KCNJ4: variants seen among roughly 807,000 people sequenced by gnomAD.
The protein encoded by KCNJ4 is inward rectifier potassium channel 4.
A neutral mutation model predicts 25.6 loss-of-function variants in KCNJ4; 3 were observed. That is an observed-to-expected ratio of 0.12 (90% CI 0.05 to 0.30). The LOEUF (loss-of-function observed/expected upper bound fraction) is 0.30, where lower values mean the gene tolerates loss of function less well. Ranked by LOEUF, KCNJ4 falls within the 10% of genes least tolerant of loss-of-function variation. The pLI is 1.00. For synonymous variants in KCNJ4, 257 were observed against 283.9 expected, an observed-to-expected ratio of 0.91 and a Z score of 0.95; for missense variants, 286 against 666.8, an observed-to-expected ratio of 0.43 and a Z score of 6.29.
chr22:38,445,078 T>C (rs576500253), intron 1 of KCNJ4, among the ~76,000 whole-genome samples: 5 of 151,718 alleles, frequency 3.3e-5, no homozygotes, highest in Non-Finnish European at 5.9e-5. Flanking sequence ...TGTGTGCGTG[T>C]GTGTGTGTGA....
At chr22:38,445,920 G>A (rs2089371255) in intron 1 of KCNJ4, among the ~76,000 whole-genome samples, 1 of 152,142 alleles carries the variant, frequency 6.6e-6, no homozygotes, top group Non-Finnish European at 1.5e-5. Flanking sequence ...CAACCATGTG[G>A]GGAATTGTTG....
chr22:38,451,288 C>T (rs2089409169), intron 1 of KCNJ4, among the ~76,000 whole-genome samples: 1 of 152,144 alleles, frequency 6.6e-6, no homozygotes, highest in Non-Finnish European at 1.5e-5. Flanking sequence ...GCTTGAATAC[C>T]TCTAGGATTG....
At chr22:38,447,970 G>C (rs1030946545) in intron 1 of KCNJ4, among the ~76,000 whole-genome samples, 1 of 150,648 alleles carries the variant, frequency 6.6e-6, no homozygotes. Context: ...AGGCTGAGGC[G>C]GAAGAATCAC....
rs2089430194 is a variant in KCNJ4, at chr22:38,454,770, C to T, written c.-40+210G>A. Among the ~76,000 whole-genome samples, 3 of 152,096 alleles carry T rather than the reference C, an allele frequency of 2.0e-5. 1 individual carries two copies. The South Asian group carries it at 6.2e-4, about 31-fold the overall frequency. On this transcript the variant is annotated intron_variant, in intron 1 of 1. Coordinates refer to ENST00000303592, the MANE Select transcript of KCNJ4 (RefSeq NM_152868.3). ...AGGCCACAACCCAGACCGCGACGCT[C>T]CCAGACGGACAGACGGACAGAGCCC... is the stretch of plus-strand genomic sequence containing the variant.
At chr22:38,450,609 C>T (rs546731805) in intron 1 of KCNJ4, among the ~76,000 whole-genome samples, 371 of 152,296 alleles carry the variant, frequency 2.4e-3, no homozygotes, top group African/African-American at 7.6e-3. Flanking sequence ...ATGCCACCAC[C>T]GTCAGCCCAA....
intron 1 of KCNJ4, among the ~76,000 whole-genome samples, chr22:38,439,817 G>A (rs367704016): frequency 1.5e-5 from 2 of 137,700 alleles, no homozygotes; most frequent in African/African-American, 5.5e-5. Flanking sequence ...CTAGCCAGGT[G>A]TATTGGCTCA....
intron 1 of KCNJ4, among the ~76,000 whole-genome samples, chr22:38,430,014 T>G (rs997855963): frequency 6.6e-6 from 1 of 152,096 alleles, no homozygotes; most frequent in Non-Finnish European, 1.5e-5. Flanking sequence ...AGAAACTCCC[T>G]CTCCGGGCCC....
intron 1 of KCNJ4, among the ~76,000 whole-genome samples, chr22:38,436,507 G>A (rs196074): frequency 0.17 from 26,152 of 152,132 alleles, 4,078 homozygotes; most frequent in African/African-American, 0.42. Context: ...GGTGAAAGGA[G>A]CATCGCAGTG....
intron 1 of KCNJ4, among the ~76,000 whole-genome samples, chr22:38,450,714 G>C (rs1338783313): frequency 6.6e-6 from 1 of 152,160 alleles, no homozygotes; most frequent in East Asian, 1.9e-4. Context: ...CCTTCGGGCA[G>C]GTCATTCCTT....
chr22:38,448,993 G>GA (rs1186135653), intron 1 of KCNJ4, among the ~76,000 whole-genome samples: 1 of 93,402 alleles, frequency 1.1e-5, no homozygotes, highest in Non-Finnish European at 2.1e-5. Context: ...AGCTCCTGCT[G>GA]GGGTCGGGAA....
chr22:38,438,704 AAAG>A (rs2089311070), intron 1 of KCNJ4, among the ~76,000 whole-genome samples: 1 of 45,666 alleles, frequency 2.2e-5, no homozygotes, highest in Admixed American at 2.7e-4. Flanking sequence ...AAAAAGAAAA[AAAG>A]AAAGAAAGAA....
chr22:38,435,211 G>A (rs376630995), intron 1 of KCNJ4, among the ~76,000 whole-genome samples: 2 of 152,148 alleles, frequency 1.3e-5, no homozygotes, highest in African/African-American at 2.4e-5. Context: ...GATGGGGGGC[G>A]CTCCTGAGTC....
intron 1 of KCNJ4, among the ~76,000 whole-genome samples, chr22:38,432,974 A>C (rs2145935044): frequency 6.6e-6 from 1 of 152,058 alleles, no homozygotes; most frequent in African/African-American, 2.4e-5. Flanking sequence ...CCATCTCAAA[A>C]AAAAGATCAA....
At chr22:38,441,545 G>T (rs986262399) in intron 1 of KCNJ4, among the ~76,000 whole-genome samples, 1 of 152,236 alleles carries the variant, frequency 6.6e-6, no homozygotes, top group South Asian at 2.1e-4. Flanking sequence ...CTGGTGGGGG[G>T]TGTCTCCCAG....
chr22:38,435,350 C>T (rs145371848), intron 1 of KCNJ4, among the ~76,000 whole-genome samples: 2 of 152,306 alleles, frequency 1.3e-5, no homozygotes, highest in East Asian at 3.9e-4. Flanking sequence ...GGGCATAGCT[C>T]AGCGCACCCA....
intron 1 of KCNJ4, among the ~76,000 whole-genome samples, chr22:38,451,813 C>T (rs1811194248): frequency 6.6e-6 from 1 of 152,180 alleles, no homozygotes; most frequent in Admixed American, 6.5e-5. Flanking sequence ...ATCACTGTGA[C>T]CCTGATGGGT....
rs1484729512 is a variant in KCNJ4, at chr22:38,427,140, C to T, written c.993G>A (p.Val331=). 1.9e-6 allele frequency: 3 copies of T among 1,612,974 alleles called. No homozygotes were observed. Among genetic ancestry groups the T allele is most frequent in the African/African-American group, 1.3e-5 (1 of 74,888 alleles). ...VVFEEKSHYK[V]DYSRFHKTYE... The stretch of plus-strand genomic sequence containing the variant: ...AGGTCTTGTGAAAACGTGAGTAGTC[C>T]ACCTTGTAGTGGCTCTTCTCCTCGA... Residue 331 remains valine, a synonymous_variant, in exon 2 of 2, where the codon GTG becomes GTA. Transcript: ENST00000303592.
At chr22:38,450,172 C>T (rs537455555) in intron 1 of KCNJ4, among the ~76,000 whole-genome samples, 2 of 152,310 alleles carry the variant, frequency 1.3e-5, no homozygotes, top group South Asian at 2.1e-4. Flanking sequence ...CTGTGACTGG[C>T]GATCCCCCAC....
intron 1 of KCNJ4, among the ~76,000 whole-genome samples, chr22:38,454,484 A>G (rs970032744): frequency 6.6e-6 from 1 of 151,892 alleles, no homozygotes; most frequent in Non-Finnish European, 1.5e-5. Flanking sequence ...TCCTCTACCA[A>G]TCCCTGCCCC....
Sources: gnomAD v4.1 joint callset for allele counts (sites outside exome capture counted in the v4.1 genomes callset) on GRCh38, gnomAD v4.1.1 for gene constraint, MANE v1.5 for transcripts, NCBI Gene and HGNC (gene_info 2026-07-23, HGNC 2026-07-21) for gene names.